Variants in MYO3B observed in about 807,000 individuals in gnomAD.
MYO3B encodes the protein myosin IIIB.
In MYO3B, 156 loss-of-function variants were observed where a neutral mutation model predicts 174.6. That is an observed-to-expected ratio of 0.89 (90% CI 0.78 to 1.02). The LOEUF (loss-of-function observed/expected upper bound fraction) is 1.02. Ranked by LOEUF, MYO3B falls within the 50% of genes least tolerant of loss-of-function variation. The pLI is 0.00. For synonymous variants in MYO3B, 563 were observed against 569.1 expected (o/e 0.99, Z 0.15); for missense variants, 1,632 against 1,639.4 (o/e 1.00, Z 0.08).
intron 8 of MYO3B, among the ~76,000 whole-genome samples, chr2:170,362,966 A>G (rs2094172627): frequency 6.6e-6 from 1 of 152,148 alleles, no homozygotes; most frequent in African/African-American, 2.4e-5. Context: ...GTGTGCTCTG[A>G]TATTTAACCT....
intron 22 of MYO3B, among the ~76,000 whole-genome samples, chr2:170,413,656 G>T (rs1001585511): frequency 6.6e-6 from 1 of 151,314 alleles, no homozygotes; most frequent in Admixed American, 6.6e-5. Flanking sequence ...GATCCAGTTT[G>T]AGTAAATTTC....
At chr2:170,581,580 CT>C (rs201074334) in intron 32 of MYO3B, among the ~76,000 whole-genome samples, 33 of 150,858 alleles carry the variant, frequency 2.2e-4, no homozygotes, top group African/African-American at 3.9e-4. Flanking sequence ...AAGTTTTAAT[CT>C]TTTTTTTTCA....
intron 28 of MYO3B, among the ~76,000 whole-genome samples, chr2:170,503,582 C>G (rs192952978): frequency 2.7e-5 from 4 of 149,090 alleles, no homozygotes; most frequent in African/African-American, 7.4e-5. Context: ...CATTAAGGTG[C>G]CTTCCTTTTT....
chr2:170,544,101 C>A, intron 32 of MYO3B, 113 bp downstream of exon 32: 3 of 782,250 alleles, frequency 3.8e-6, no homozygotes, highest in Non-Finnish European at 4.0e-6. Flanking sequence ...CAAATGTTGG[C>A]AAAAAGTTTT....
intron 30 of MYO3B, among the ~76,000 whole-genome samples, chr2:170,527,031 C>T (rs1452219530): frequency 6.6e-6 from 1 of 152,170 alleles, no homozygotes; most frequent in Non-Finnish European, 1.5e-5. Context: ...CACGCTATTC[C>T]ATCTGAATAG....
At chr2:170,481,465 T>C (rs72880107) in intron 25 of MYO3B, among the ~76,000 whole-genome samples, 1,650 of 152,304 alleles carry the variant, frequency 0.011, 15 homozygotes, top group Non-Finnish European at 0.016. Context: ...TGGTCCTAGC[T>C]ACTTGGTAGC....
rs768597492 is a variant in MYO3B at position 170,383,105 on chromosome 2, T to C, written c.1101T>C (p.Tyr367=). 7 of 1,613,162 alleles carry C rather than the reference T, an allele frequency of 4.3e-6. No homozygotes were observed. The highest frequency in any genetic ancestry group is 5.9e-6 in the Non-Finnish European group (7 of 1,179,292). ...TTATCCATCAGTTGCAGAAACGTTA[T>C]GCAGACTTGCTAATTTACACATATG... ...DTIIHQLQKR[Y]ADLLIYTYVG... The change falls in exon 11 of 35, where the codon TAT becomes TAC. Residue 367 remains tyrosine (Y), a synonymous_variant. Transcript: ENST00000408978.
At chr2:170,456,663 C>T (rs2105940187) in intron 23 of MYO3B, among the ~76,000 whole-genome samples, 2 of 152,356 alleles carry the variant, frequency 1.3e-5, no homozygotes, top group Non-Finnish European at 2.9e-5. Context: ...ACGCACTTTG[C>T]ATCCTTGATA....
intron 1 of MYO3B, among the ~76,000 whole-genome samples, chr2:170,197,762 GGGATT>G (rs1431975837): frequency 1.2e-4 from 18 of 152,186 alleles, no homozygotes; most frequent in Admixed American, 4.6e-4. Context: ...TAGCTTGAAT[GGGATT>G]GGAATTTATT....
chr2:170,201,698 T>C (rs1196447810), intron 3 of MYO3B, among the ~76,000 whole-genome samples: 1 of 152,118 alleles, frequency 6.6e-6, no homozygotes, highest in Admixed American at 6.6e-5. Context: ...CTTTGGGGTT[T>C]TATTAACTCC....
At chr2:170,416,646 A>G (rs1283035658) in intron 22 of MYO3B, among the ~76,000 whole-genome samples, 1 of 137,558 alleles carries the variant, frequency 7.3e-6, no homozygotes, top group Admixed American at 7.6e-5. Context: ...TTTTTTGTAC[A>G]CACAAAATCC....
chr2:170,440,127 G>T (rs1003608321), intron 22 of MYO3B, among the ~76,000 whole-genome samples: 3 of 152,092 alleles, frequency 2.0e-5, no homozygotes, highest in African/African-American at 7.2e-5. Context: ...TTACCCCATT[G>T]TATACTCTTG....
chr2:170,539,701 C>T (rs1054439431), intron 30 of MYO3B, among the ~76,000 whole-genome samples: 1 of 151,912 alleles, frequency 6.6e-6, no homozygotes, highest in African/African-American at 2.4e-5. Context: ...CTCAGTGTAG[C>T]CTCGACCTCC....
rs1559318980 is a variant in MYO3B, at chr2:170,230,365, T to TTTTGGA, written c.604-5626_604-5625insTTTGGA. On this transcript the variant is annotated intron_variant, in intron 6 of 34. Transcript: ENST00000408978. ...TTTTTTTTTTTTTTTTTTTTTTTAG[T>TTTTGGA]AGAGACGGGGTTTCACCATGTTGGT... 8.2e-3 allele frequency among the ~76,000 whole-genome samples: 1,154 copies of TTTTGGA among 140,824 alleles called. 83 individuals are homozygous for TTTTGGA. Among genetic ancestry groups the TTTTGGA allele is most frequent in the African/African-American group, 0.032 (1,108 of 34,584 alleles). The allele number at this position is 140,824 out of a possible 152,430, so 92.4% of individuals were successfully genotyped here.
chr2:170,440,745 T>G lies in MYO3B; in HGVS notation c.2651-3222T>G, dbSNP rs576625478. On this transcript the variant is annotated intron_variant, in intron 22 of 34. Transcript: ENST00000408978. ...TTCAGCCAGGGCAACAGAGTGAGAC[T>G]CTGTCTGAAAAAACAACAGCAACAA... Among the ~76,000 whole-genome samples, 290 of 149,542 alleles carry G rather than the reference T, an allele frequency of 1.9e-3. 4 individuals carry two copies. The highest frequency in any genetic ancestry group is 6.8e-3 in the African/African-American group (278 of 40,820).
At chr2:170,437,545 C>G (rs181119834) in intron 22 of MYO3B, among the ~76,000 whole-genome samples, 1 of 152,136 alleles carries the variant, frequency 6.6e-6, no homozygotes. Context: ...ACAAATAGGC[C>G]TTGCTAAGTT....
chr2:170,178,390 G>A (rs72882094), intron 1 of MYO3B, 101 bp downstream of exon 1: 20 of 1,468,120 alleles, frequency 1.4e-5, no homozygotes, highest in Non-Finnish European at 1.6e-5. Context: ...GGGCAGTGGA[G>A]GGGGATGACA....
At chr2:170,618,580 G>C (rs1695618154) in intron 32 of MYO3B, among the ~76,000 whole-genome samples, 1 of 152,154 alleles carries the variant, frequency 6.6e-6, no homozygotes, top group South Asian at 2.1e-4. Context: ...CTCTCTCTTT[G>C]TTCCCAGGCA....
chr2:170,329,942 A>G (rs1180938769), intron 7 of MYO3B, among the ~76,000 whole-genome samples: 2 of 152,088 alleles, frequency 1.3e-5, no homozygotes, highest in Non-Finnish European at 1.5e-5. Flanking sequence ...AGTTAATTAC[A>G]CTCAAATGTC....
Sources: allele counts gnomAD v4.1 joint callset (sites outside exome capture counted in the v4.1 genomes callset), GRCh38; gene constraint gnomAD v4.1.1; transcripts MANE v1.5; gene names NCBI Gene and HGNC (gene_info 2026-07-23, HGNC 2026-07-21).